The following FUBP3 variants were observed in gnomAD, a reference collection of about 807,000 sequenced individuals.
FUBP3 encodes the protein far upstream element-binding protein 3.
A neutral mutation model predicts 85.6 loss-of-function variants in FUBP3; 28 were observed. The ratio of observed to expected loss-of-function variants is 0.33; its 90% CI spans 0.24 to 0.45. The LOEUF is 0.45. Among genes scored for constraint, FUBP3 ranks in the 20% least tolerant of loss-of-function variants. The probability of loss-of-function intolerance (pLI) is 1.00; values close to 1 mark genes in which losing one functional copy is unlikely to be tolerated. For missense variants in FUBP3, 583 were observed against 755.1 expected (o/e 0.77, Z 2.67); for synonymous variants, 271 against 271.4 (o/e 1.00, Z 0.01).
intron 2 of FUBP3, among the ~76,000 whole-genome samples, chr9:130,599,351 A>G (rs1755820732): frequency 9.7e-6 from 1 of 103,246 alleles, no homozygotes; most frequent in Non-Finnish European, 1.8e-5. Context: ...ACACATATAT[A>G]TAAGTATATG....
chr9:130,587,151 G>A (rs576644474), intron 1 of FUBP3, among the ~76,000 whole-genome samples: 1 of 148,138 alleles, frequency 6.8e-6, no homozygotes, highest in African/African-American at 2.5e-5. Context: ...TGCAACCTCC[G>A]CCTCCTGAGT....
intron 2 of FUBP3, among the ~76,000 whole-genome samples, chr9:130,606,759 G>A (rs1249626400): frequency 6.6e-6 from 1 of 152,084 alleles, no homozygotes; most frequent in African/African-American, 2.4e-5. Context: ...GGCAGAGGTT[G>A]TGGTAAGCCG....
At chr9:130,624,652 T>TGTGTG (rs57256345) in intron 11 of FUBP3, among the ~76,000 whole-genome samples, 2 of 146,516 alleles carry the variant, frequency 1.4e-5, no homozygotes, top group Admixed American at 6.8e-5. Flanking sequence ...TGTGTGTGTG[T>TGTGTG]TTTTAAGCTC....
Position 130,612,942 on chromosome 9 carries a change from T to C in FUBP3, c.275-14T>C, listed in dbSNP as rs1564208179. ...ATAGGGGCGTGTATTCTGACCCTGTTCAATTTGTTTCAGTTATCGGCAGGG... is the reference window on the plus strand; with the variant it reads ...ATAGGGGCGTGTATTCTGACCCTGTCCAATTTGTTTCAGTTATCGGCAGGG... On this transcript the variant is annotated splice_polypyrimidine_tract_variant and intron_variant, in intron 4 of 18. Transcript: ENST00000319725. The surrounding 1 kb of genome is among the most constrained non-coding windows in gnomAD (Gnocchi z 4.1). 3 of 1,591,116 alleles carry C rather than the reference T, an allele frequency of 1.9e-6. No individual in the cohort carries two copies. Among genetic ancestry groups the C allele is most frequent in the Non-Finnish European group, 1.7e-6 (2 of 1,159,064 alleles).
chr9:130,591,211 G>A (rs953215738), intron 1 of FUBP3, among the ~76,000 whole-genome samples: 6 of 152,156 alleles, frequency 3.9e-5, no homozygotes, highest in African/African-American at 1.2e-4. Context: ...TTGGGAGGCT[G>A]AGGTGGGCGG....
intron 1 of FUBP3, among the ~76,000 whole-genome samples, chr9:130,589,726 T>TAA (rs1830532432): frequency 1.6e-5 from 2 of 121,570 alleles, no homozygotes; most frequent in Non-Finnish European, 3.4e-5. Context: ...TTTTTTTTTT[T>TAA]TTAAGAGACA....
intron 12 of FUBP3, among the ~76,000 whole-genome samples, chr9:130,628,022 C>G (rs534390417): frequency 6.6e-6 from 1 of 152,098 alleles, no homozygotes; most frequent in Non-Finnish European, 1.5e-5. Context: ...CCTAAAGAAG[C>G]CTAATTAGTG....
intron 1 of FUBP3, among the ~76,000 whole-genome samples, chr9:130,584,403 C>T (rs1048771993): frequency 6.6e-6 from 1 of 151,730 alleles, no homozygotes; most frequent in African/African-American, 2.4e-5. Context: ...TGGCAGGTGC[C>T]TGTAATCCCA....
intron 1 of FUBP3, among the ~76,000 whole-genome samples, chr9:130,582,689 G>A (rs1486859994): frequency 6.6e-6 from 1 of 152,152 alleles, no homozygotes; most frequent in African/African-American, 2.4e-5. Flanking sequence ...GTTACAAGGG[G>A]ACCTCTGGAT....
chr9:130,599,165 G>A (rs781281936), intron 2 of FUBP3, among the ~76,000 whole-genome samples: 6 of 152,048 alleles, frequency 3.9e-5, no homozygotes, highest in East Asian at 3.9e-4. Context: ...CATGGCACGC[G>A]CCTGTAGTCC....
At chr9:130,587,853 A>G (rs1830422035) in intron 1 of FUBP3, among the ~76,000 whole-genome samples, 1 of 152,180 alleles carries the variant, frequency 6.6e-6, no homozygotes, top group Non-Finnish European at 1.5e-5. Context: ...ATACTCGGTG[A>G]GAGTATGCTA....
At chr9:130,601,562 G>A (rs971217727) in intron 2 of FUBP3, among the ~76,000 whole-genome samples, 4 of 152,216 alleles carry the variant, frequency 2.6e-5, no homozygotes, top group African/African-American at 9.6e-5. Context: ...TTGAAACTAT[G>A]CCTGCCTCTT....
chr9:130,633,625 T>C (rs1830301733), intron 16 of FUBP3, among the ~76,000 whole-genome samples: 1 of 152,240 alleles, frequency 6.6e-6, no homozygotes, highest in East Asian at 1.9e-4. Context: ...TCAGGGGTTT[T>C]GCAGTGGAGA....
rs144274318 is a variant in FUBP3 at position 130,626,762 on chromosome 9, T to C, written c.1117+257T>C. Among the ~76,000 whole-genome samples, 525 of 152,260 alleles carry C rather than the reference T, an allele frequency of 3.4e-3. 1 individual carries two copies. Among genetic ancestry groups the C allele is most frequent in the Non-Finnish European group, 5.8e-3 (391 of 67,998 alleles). On this transcript the variant is annotated intron_variant, in intron 12 of 18. Transcript: ENST00000319725. The stretch of plus-strand genomic sequence containing the variant: ...GACAGCAGTAAAACTCCCTGCCTGT[T>C]GAGGGCAGCTTAGCTTGGTGAAAAG...
chr9:130,588,927 T>C (rs1260231676), intron 1 of FUBP3, among the ~76,000 whole-genome samples: 2 of 152,164 alleles, frequency 1.3e-5, no homozygotes, highest in African/African-American at 2.4e-5. Flanking sequence ...AGGCAGGACC[T>C]CTCTGGGTGG....
chr9:130,623,570 T>C (rs7043910), intron 10 of FUBP3, 41 bp from the exon 11 acceptor site: 919 of 1,269,216 alleles, frequency 7.2e-4, no homozygotes, highest in Non-Finnish European at 9.4e-4. Context: ...CCTTCTAACG[T>C]TGGGCTTTTT....
At chr9:130,630,045 T>G (rs1302924482) in intron 12 of FUBP3, among the ~76,000 whole-genome samples, 4 of 152,214 alleles carry the variant, frequency 2.6e-5, no homozygotes, top group African/African-American at 9.6e-5. Flanking sequence ...ATCCTTGCAC[T>G]GCCTGTGTAG....
Position 130,579,665 on chromosome 9 carries a change from G to A in FUBP3, c.-16G>A, listed in dbSNP as rs1250916025. The A allele has an allele frequency of 1.3e-5, 16 of 1,243,958 alleles. No individual in the cohort carries two copies. Among genetic ancestry groups the A allele is most frequent in the Non-Finnish European group, 5.0e-6 (5 of 992,470 alleles). 77.1% of individuals were successfully genotyped at this position (1,243,958 alleles called of 1,614,324 possible). Reference sequence around the variant, plus strand: ...CGGCGGCGTCGGCGGCGGCGGCGACGGCGGCGGGGGCGGTAATGGCGGAGC... The same window carrying A: ...CGGCGGCGTCGGCGGCGGCGGCGACAGCGGCGGGGGCGGTAATGGCGGAGC... On this transcript the variant is annotated 5_prime_UTR_variant, in exon 1 of 19. Coordinates refer to ENST00000319725, the MANE Select transcript of FUBP3 (RefSeq NM_003934.2).
At chr9:130,630,940 G>A in intron 13 of FUBP3, 152 bp downstream of exon 13, 1 of 657,920 alleles carries the variant, frequency 1.5e-6, no homozygotes, top group East Asian at 3.4e-5. Flanking sequence ...TGCCGAAGGG[G>A]AGGGTCGGAG....
Sources: allele counts gnomAD v4.1 joint callset (sites outside exome capture counted in the v4.1 genomes callset), GRCh38; gene constraint gnomAD v4.1.1; non-coding constraint Gnocchi (gnomAD v3.1); transcripts MANE v1.5; gene names NCBI Gene and HGNC (gene_info 2026-07-23, HGNC 2026-07-21).